The following AOPEP variants were observed in gnomAD, a reference collection of about 807,000 sequenced individuals.
AOPEP encodes aminopeptidase O (putative).
Under a neutral mutation model 98.1 loss-of-function variants are expected in AOPEP, and 77 were observed. The ratio of observed to expected loss-of-function variants is 0.78; its 90% CI spans 0.65 to 0.95. AOPEP has a LOEUF of 0.95. Ranked by LOEUF, AOPEP falls within the 40% of genes least tolerant of loss-of-function variation. The pLI is 0.00. For missense variants in AOPEP, 1,024 were observed against 1,024.7 expected, an observed-to-expected ratio of 1.00 and a Z score of 0.01; for synonymous variants, 346 against 365.3, an observed-to-expected ratio of 0.95 and a Z score of 0.60.
At chr9:94,942,378 G>A (rs2057101061) in intron 7 of AOPEP, among the ~76,000 whole-genome samples, 1 of 152,024 alleles carries the variant, frequency 6.6e-6, no homozygotes, top group East Asian at 1.9e-4. Context: ...CAACAGTTTT[G>A]ATCTAGAATG....
intron 3 of AOPEP, among the ~76,000 whole-genome samples, chr9:94,787,609 T>C (rs561921689): frequency 6.6e-6 from 1 of 152,222 alleles, no homozygotes; most frequent in Non-Finnish European, 1.5e-5. Flanking sequence ...TGCCTGCTCC[T>C]TATCTCTAAA....
the AOPEP span, among the ~76,000 whole-genome samples, chr9:95,112,525 C>T: frequency 6.6e-5 from 10 of 152,236 alleles, 1 homozygote; most frequent in Non-Finnish European, 1.3e-4. Context: ...ACATGTCCCT[C>T]TTTCCCAGGA....
chr9:94,808,220 A>G (rs781400059), intron 5 of AOPEP, among the ~76,000 whole-genome samples: 7 of 151,834 alleles, frequency 4.6e-5, no homozygotes, highest in Non-Finnish European at 8.8e-5. Flanking sequence ...TTTGTATTTT[A>G]ATAGACACGG....
intron 11 of AOPEP, among the ~76,000 whole-genome samples, chr9:94,979,990 C>CT (rs2138699072): frequency 6.6e-6 from 1 of 152,350 alleles, no homozygotes; most frequent in South Asian, 2.1e-4. Context: ...ATTCATTTCT[C>CT]TGTCTTAGGG....
At chr9:95,133,417 C>T in the AOPEP span, among the ~76,000 whole-genome samples, 7 of 152,236 alleles carry the variant, frequency 4.6e-5, no homozygotes, top group Admixed American at 1.3e-4. Flanking sequence ...CACACATGAT[C>T]CCGATAAAAG....
intron 5 of AOPEP, among the ~76,000 whole-genome samples, chr9:94,802,030 G>T (rs889501245): frequency 2.0e-5 from 3 of 152,212 alleles, no homozygotes; most frequent in Non-Finnish European, 4.4e-5. Context: ...CCTTGAGGAG[G>T]TCTGAGAAAG....
chr9:94,816,655 G>T (rs765113204), intron 5 of AOPEP, among the ~76,000 whole-genome samples: 6 of 152,134 alleles, frequency 3.9e-5, no homozygotes, highest in Admixed American at 2.0e-4. Flanking sequence ...CTAAGGGCTG[G>T]AGATGGTGGA....
chr9:94,895,684 G>T (rs917545029), intron 5 of AOPEP, among the ~76,000 whole-genome samples: 5 of 152,048 alleles, frequency 3.3e-5, no homozygotes, highest in African/African-American at 1.2e-4. Context: ...CGCCTCCTGG[G>T]TTCAAGCAGT....
intron 13 of AOPEP, among the ~76,000 whole-genome samples, chr9:95,016,725 G>A (rs1209601881): frequency 6.7e-6 from 1 of 149,866 alleles, no homozygotes; most frequent in Non-Finnish European, 1.5e-5. Flanking sequence ...TGATCCTCCT[G>A]CCTCAGCCTC....
intron 5 of AOPEP, among the ~76,000 whole-genome samples, chr9:94,823,904 T>A (rs1437165754): frequency 6.6e-6 from 1 of 152,182 alleles, no homozygotes; most frequent in African/African-American, 2.4e-5. Context: ...CTATGAAAGA[T>A]AGTCACGTGA....
intron 13 of AOPEP, among the ~76,000 whole-genome samples, chr9:95,039,285 G>A (rs1339216694): frequency 6.6e-6 from 1 of 152,126 alleles, no homozygotes; most frequent in African/African-American, 2.4e-5. Flanking sequence ...TGAAATTGTT[G>A]GCCAGGTGCG....
In AOPEP at chr9:94,887,687, C is replaced by T. The variant is rs529616231; in HGVS notation, c.1365-36299C>T. On this transcript the variant is annotated intron_variant, in intron 5 of 16. Coordinates refer to ENST00000375315, the MANE Select transcript of AOPEP (RefSeq NM_001193329.3). ...ATTTTCATAAGTTTTTGCTGGAAGT[C>T]ACATTGGAAGACCAAATCAGTGAGA... Among the ~76,000 whole-genome samples, 91 of 152,268 alleles carry T rather than the reference C, an allele frequency of 6.0e-4. No homozygotes were observed. The Middle Eastern group carries it at 0.01, about 17-fold the overall frequency.
At chr9:95,070,119 A>G (rs2068328488) in intron 14 of AOPEP, among the ~76,000 whole-genome samples, 1 of 152,226 alleles carries the variant, frequency 6.6e-6, no homozygotes. Flanking sequence ...CATGGGACTG[A>G]GCAGGTAGAC....
rs181510246 is a variant in AOPEP, at chr9:94,855,668, G to A, written c.1364+54666G>A. ...ATTGCGCCACTGCACTCCAGCCTGG[G>A]CAACAAGAACGAAACTCTGTCTCAA... On this transcript the variant is annotated intron_variant, in intron 5 of 16. Transcript: ENST00000375315. Among the ~76,000 whole-genome samples, 522 of 152,134 alleles carry A rather than the reference G, an allele frequency of 3.4e-3. 5 individuals are homozygous for A. The highest frequency in any genetic ancestry group is 0.012 in the African/African-American group (498 of 41,520).
intron 1 of AOPEP, among the ~76,000 whole-genome samples, chr9:94,750,972 C>T (rs1373751813): frequency 6.6e-6 from 1 of 152,114 alleles, no homozygotes; most frequent in East Asian, 1.9e-4. Context: ...TGGTCTTGAT[C>T]TCCTGACCTC....
At chr9:95,028,240 T>C (rs2064002233) in intron 13 of AOPEP, among the ~76,000 whole-genome samples, 1 of 152,232 alleles carries the variant, frequency 6.6e-6, no homozygotes, top group Non-Finnish European at 1.5e-5. Flanking sequence ...TATTTTGGCC[T>C]CCAGAGGCAC....
At chr9:94,989,179 G>A (rs1425130941) in intron 11 of AOPEP, among the ~76,000 whole-genome samples, 1 of 152,022 alleles carries the variant, frequency 6.6e-6, no homozygotes, top group Admixed American at 6.5e-5. Flanking sequence ...TCTGCTCACT[G>A]CAAGCTCTGC....
chr9:95,138,146 C>G, the AOPEP span, among the ~76,000 whole-genome samples: 2 of 152,238 alleles, frequency 1.3e-5, no homozygotes, highest in Non-Finnish European at 2.9e-5. Context: ...CCCCTCCCCG[C>G]ACAGAAGAGG....
chr9:95,051,964 A>G (rs138464400), intron 13 of AOPEP, among the ~76,000 whole-genome samples: 1,876 of 152,248 alleles, frequency 0.012, 42 homozygotes, highest in African/African-American at 0.042. Flanking sequence ...CGGCCTCCCA[A>G]AGTGCTGGGA....
Sources: allele counts gnomAD v4.1 joint callset (sites outside exome capture counted in the v4.1 genomes callset), GRCh38; gene constraint gnomAD v4.1.1; transcripts MANE v1.5; gene names NCBI Gene and HGNC (gene_info 2026-07-23, HGNC 2026-07-21).